The following SLC38A7 variants were observed in gnomAD, a reference collection of about 807,000 sequenced individuals.
The protein encoded by SLC38A7 is sodium-coupled neutral amino acid transporter 7.
A neutral mutation model predicts 50.1 loss-of-function variants in SLC38A7; 29 were observed. That is an observed-to-expected ratio of 0.58 (90% CI 0.43 to 0.79). The LOEUF is 0.79. SLC38A7 is among the 30% of genes least tolerant of loss of function. The probability of loss-of-function intolerance (pLI) is 0.00; values close to 1 mark genes in which losing one functional copy is unlikely to be tolerated. For synonymous variants in SLC38A7, 244 were observed against 245.9 expected (o/e 0.99, Z 0.07); for missense variants, 483 against 610.6 (o/e 0.79, Z 2.20).
chr16:58,677,199 A>C, intron 6 of SLC38A7, 127 bp downstream of exon 6: 4 of 744,932 alleles, frequency 5.4e-6, no homozygotes, highest in Admixed American at 2.2e-5. Flanking sequence ...ACAATGACCA[A>C]GTCAGCCCTG....
At chr16:58,675,247 C>T (rs1047666498) in intron 8 of SLC38A7, 8 of 380,678 alleles carry the variant, frequency 2.1e-5, no homozygotes, top group African/African-American at 1.7e-4. Context: ...TGGCTCATGC[C>T]TGTAACCCCA....
At chr16:58,677,241 T>C (rs1597674666) in intron 6 of SLC38A7, 85 bp downstream of exon 6, 1 of 1,105,328 alleles carries the variant, frequency 9.0e-7, no homozygotes, top group East Asian at 2.4e-5. Context: ...AGAGCACCTG[T>C]GTGGCCTTCT....
intron 9 of SLC38A7, 118 bp from the exon 10 acceptor site, chr16:58,671,362 T>C: frequency 1.0e-6 from 1 of 967,836 alleles, no homozygotes; most frequent in East Asian, 2.6e-5. Context: ...TTCCTGACCC[T>C]CAGTTTCCTC....
rs534410791 is a variant in SLC38A7, at chr16:58,679,938, C to A, written c.189G>T (p.Ala63=). ...TLGAIFIVVN[A]CLGAGLLNFP... is the part of the protein sequence containing the mutation. ...AGTTGAGTAACCCTGCACCCAGGCA[C>A]GCGTTGACGACGATGAAGATGGCCC... Residue 63 remains alanine, a synonymous_variant, in exon 3 of 12, where the codon GCG becomes GCT. Transcript: ENST00000219320. The A allele has an allele frequency of 6.2e-7, 1 of 1,611,756 alleles. No individual in the cohort carries two copies. The highest frequency in any genetic ancestry group is 1.3e-5 in the African/African-American group (1 of 74,880).
At chr16:58,669,490 C>T (rs562844099) in intron 11 of SLC38A7, among the ~76,000 whole-genome samples, 13 of 152,188 alleles carry the variant, frequency 8.5e-5, no homozygotes, top group East Asian at 5.8e-4. Context: ...TACACAGACA[C>T]GCACACATGT....
chr16:58,673,671 T>G (rs1361285796), intron 8 of SLC38A7, among the ~76,000 whole-genome samples: 2 of 145,388 alleles, frequency 1.4e-5, no homozygotes, highest in Non-Finnish European at 3.0e-5. Flanking sequence ...GCCGTTTTTT[T>G]TTTTTTTTTT....
chr16:58,677,196 C>T (rs1315254683), intron 6 of SLC38A7, 130 bp downstream of exon 6: 1 of 717,152 alleles, frequency 1.4e-6, no homozygotes, highest in African/African-American at 1.8e-5. Flanking sequence ...CCTACAATGA[C>T]CAAGTCAGCC....
At chr16:58,669,855 G>A (rs372511108) in intron 11 of SLC38A7, among the ~76,000 whole-genome samples, 235 of 149,130 alleles carry the variant, frequency 1.6e-3, no homozygotes, top group African/African-American at 5.6e-3. Context: ...GGCATCTGTA[G>A]TCCTAGCTAC....
chr16:58,670,913 G>A (rs1000197987), intron 10 of SLC38A7, 132 bp downstream of exon 10: 26 of 948,768 alleles, frequency 2.7e-5, no homozygotes, highest in Non-Finnish European at 4.2e-5. Flanking sequence ...TAGTACAGAG[G>A]CGAGACAGGT....
chr16:58,678,680 T>C lies in SLC38A7; in HGVS notation c.469+16A>G. Reference sequence around the variant, plus strand: ...TGATAAGAAGAGATGGGGTAGGGACTGAGGGAGAAGCTCACTCTTGTCCTG... The same window carrying C: ...TGATAAGAAGAGATGGGGTAGGGACCGAGGGAGAAGCTCACTCTTGTCCTG... On this transcript the variant is annotated intron_variant, in intron 4 of 11. Transcript: ENST00000219320. The surrounding 1 kb of genome is among the most constrained non-coding windows in gnomAD (Gnocchi z 4.0). 6.2e-7 allele frequency: 1 copy of C among 1,612,878 alleles called. No individual in the cohort carries two copies. Among genetic ancestry groups the C allele is most frequent in the Non-Finnish European group, 8.5e-7 (1 of 1,179,416 alleles).
In SLC38A7 at chr16:58,680,181, G is replaced by A; in HGVS notation, c.-55C>T. On this transcript the variant is annotated 5_prime_UTR_variant, in exon 3 of 12. Transcript: ENST00000219320. ...TGTGGGTTCTGCCTTACAACCACAT[G>A]CCTCAGGGAGCTGAGCAACACCCAC... is the stretch of plus-strand genomic sequence containing the variant. The A allele has an allele frequency of 6.7e-7, 1 of 1,488,832 alleles. No individual in the cohort carries two copies. Among genetic ancestry groups the A allele is most frequent in the Non-Finnish European group, 8.9e-7 (1 of 1,120,166 alleles). 92.2% of individuals were successfully genotyped at this position (1,488,832 alleles called of 1,614,324 possible). A position where few individuals can be genotyped will look rare whatever the true frequency, so the allele number is the denominator to read the frequency against.
rs1567472343 is a variant in SLC38A7, at chr16:58,675,927, G to A, written c.883+13C>T. Reference sequence around the variant, plus strand: ...CACTCTAGTCCCAGGTCTTGGGGGGGGGGAGCACTCACCTGTCCCCATGTA... The same window carrying A: ...CACTCTAGTCCCAGGTCTTGGGGGGAGGGAGCACTCACCTGTCCCCATGTA... On this transcript the variant is annotated intron_variant, in intron 8 of 11. Coordinates refer to ENST00000219320, the MANE Select transcript of SLC38A7 (RefSeq NM_018231.3). The A allele has an allele frequency of 7.5e-6, 12 of 1,594,736 alleles. 1 individual carries two copies. The East Asian group carries it at 1.8e-4, about 24-fold the overall frequency.
In SLC38A7 at chr16:58,667,175, A is replaced by G. The variant is rs1279412270; in HGVS notation, c.*210T>C. On this transcript the variant is annotated 3_prime_UTR_variant, in exon 12 of 12. Transcript: ENST00000219320. ...GATGTGAGACTTCCTGCCGCCATCCACGGCACTGCCAGGACTGGGGAGCAG... is the reference window on the plus strand; with the variant it reads ...GATGTGAGACTTCCTGCCGCCATCCGCGGCACTGCCAGGACTGGGGAGCAG... 1 of 524,004 alleles carries G rather than the reference A, an allele frequency of 1.9e-6. No homozygotes were observed. Among genetic ancestry groups the G allele is most frequent in the African/African-American group, 1.9e-5 (1 of 51,510 alleles). The allele number at this position is 524,004 out of a possible 1,614,324, so 32.5% of individuals were successfully genotyped here. A position where few individuals can be genotyped will look rare whatever the true frequency, so the allele number is the denominator to read the frequency against.
At chr16:58,668,965 TTG>T in intron 11 of SLC38A7, among the ~76,000 whole-genome samples, 2 of 151,626 alleles carry the variant, frequency 1.3e-5, no homozygotes, top group Non-Finnish European at 2.9e-5. Flanking sequence ...AGACGGGGTT[TTG>T]CCATGTTGGC....
In SLC38A7 at chr16:58,676,310, G is replaced by A; in HGVS notation, c.747C>T (p.Pro249=). The change falls in exon 7 of 12, where the codon CCC becomes CCT. Residue 249 remains proline (P), a synonymous_variant. Transcript: ENST00000219320. ...ASWMAVFNAM[P]TICFGFQCHV... is the part of the protein sequence containing the mutation. ...GCACCTGAAATCCGAAGCAGATGGT[G>A]GGCATGGCATTGAACACAGCCATCC... 2.5e-6 allele frequency: 4 copies of A among 1,614,144 alleles called. No individual in the cohort carries two copies. The highest frequency in any genetic ancestry group is 3.4e-6 in the Non-Finnish European group (4 of 1,180,022).
intron 8 of SLC38A7, among the ~76,000 whole-genome samples, chr16:58,672,826 G>A (rs1233651289): frequency 6.6e-6 from 1 of 151,984 alleles, no homozygotes; most frequent in Admixed American, 6.6e-5. Flanking sequence ...TTCTTGTAGA[G>A]ATGGGGTCTT....
chr16:58,668,843 A>G (rs1403497827), intron 11 of SLC38A7, among the ~76,000 whole-genome samples: 1 of 147,734 alleles, frequency 6.8e-6, no homozygotes. Context: ...TGCGATCTCC[A>G]CTTACTGCAA....
rs942260813 is a variant in SLC38A7 at position 58,679,933 on chromosome 16, A to C, written c.194T>G (p.Leu65Arg). 2 of 1,612,346 alleles carry C rather than the reference A, an allele frequency of 1.2e-6. No homozygotes were observed. The highest frequency in any genetic ancestry group is 3.3e-5 in the Admixed American group (2 of 59,880). ...GAIFIVVNAC[L>R]GAGLLNFPAA... is the part of the protein sequence containing the mutation. The stretch of plus-strand genomic sequence containing the variant: ...TGGGAAGTTGAGTAACCCTGCACCC[A>C]GGCACGCGTTGACGACGATGAAGAT... The change falls in exon 3 of 12, where the codon CTG (leucine) becomes CGG (arginine). Residue 65 changes from leucine to arginine, a missense_variant. By Grantham distance (102) the Leu-to-Arg change is moderately radical (BLOSUM62 -2). Transcript: ENST00000219320.
At chr16:58,667,579 C>CA in intron 11 of SLC38A7, 92 bp from the exon 12 acceptor site, 1 of 978,548 alleles carries the variant, frequency 1.0e-6, no homozygotes, top group Non-Finnish European at 1.5e-6. Flanking sequence ...CTGTAATTAT[C>CA]GCACTTCTCC....
Sources: gnomAD v4.1 joint callset for allele counts (sites outside exome capture counted in the v4.1 genomes callset) on GRCh38, gnomAD v4.1.1 for gene constraint, Gnocchi (gnomAD v3.1) non-coding constraint, MANE v1.5 for transcripts, NCBI Gene and HGNC (gene_info 2026-07-23, HGNC 2026-07-21) for gene names.